The following CLDN2 variants were observed in gnomAD, a reference collection of about 807,000 sequenced individuals.
CLDN2 encodes the protein claudin 2.
Under a neutral mutation model 8.2 loss-of-function variants are expected in CLDN2, and 1 was observed. The observed-to-expected ratio is 0.12, with a 90% CI of 0.04 to 0.58. The LOEUF is 0.58. Ranked by LOEUF, CLDN2 falls within the 20% of genes least tolerant of loss-of-function variation. The pLI is 0.90. For missense variants in CLDN2, 108 were observed against 172.9 expected (o/e 0.62, Z 2.11); for synonymous variants, 70 against 70.2 (o/e 1.00, Z 0.01).
intron 1 of CLDN2, among the ~76,000 whole-genome samples, chrX:106,909,369 G>A (rs1255414450): frequency 9.0e-6 from 1 of 111,435 alleles, no homozygotes; most frequent in Non-Finnish European, 1.9e-5. Flanking sequence ...CCTGCCACTG[G>A]GGAGCAGTGG....
intron 1 of CLDN2, among the ~76,000 whole-genome samples, chrX:106,901,145 T>A (rs774616125): frequency 8.9e-6 from 1 of 112,315 alleles, no homozygotes; most frequent in Non-Finnish European, 1.9e-5. Flanking sequence ...AGCCCCAGCA[T>A]CTGTCACTTA....
chrX:106,901,431 A>C, intron 1 of CLDN2: 1 of 1,131,158 alleles, frequency 8.8e-7, no homozygotes, highest in Non-Finnish European at 1.2e-6. Flanking sequence ...TCAAAGAGCT[A>C]ATGGATCTAT....
chrX:106,924,836 C>A (rs1004337298), intron 1 of CLDN2, among the ~76,000 whole-genome samples: 5 of 103,755 alleles, frequency 4.8e-5, no homozygotes, highest in African/African-American at 1.8e-4. Flanking sequence ...TCTTTCCCAA[C>A]GTTGGGCAGC....
Position 106,929,041 on chromosome X carries a change from G to A in CLDN2, c.*120G>A. 1 of 611,365 alleles carries A rather than the reference G, an allele frequency of 1.6e-6. No homozygotes were observed. Among genetic ancestry groups the A allele is most frequent in the Non-Finnish European group, 2.5e-6 (1 of 392,224 alleles). The allele number at this position is 611,365 out of a possible 1,213,427, so 50.4% of individuals were successfully genotyped here. A position where few individuals can be genotyped will look rare whatever the true frequency, so the allele number is the denominator to read the frequency against. On this transcript the variant is annotated 3_prime_UTR_variant, in exon 2 of 2. Transcript: ENST00000336803. ...GTGTCAGAAGGTGCTGCTGAGGATA[G>A]ACTGACTTTGGCCATTGGATTGAGC...
chrX:106,901,923 T>C (rs1933105618), intron 1 of CLDN2, among the ~76,000 whole-genome samples: 1 of 111,896 alleles, frequency 8.9e-6, no homozygotes, highest in Non-Finnish European at 1.9e-5. Flanking sequence ...CCTGCCCAGA[T>C]CCCTTGCCCA....
At chrX:106,919,597 CCTCAG>C (rs1933361265), upstream of CLDN2, among the ~76,000 whole-genome samples, 1 of 111,526 alleles carries the variant, frequency 9.0e-6, no homozygotes. Context: ...GATTCTCCTG[CCTCAG>C]CTTCCCGTGT....
chrX:106,908,033 C>A (rs1933202822), intron 1 of CLDN2, among the ~76,000 whole-genome samples: 1 of 111,388 alleles, frequency 9.0e-6, no homozygotes. Flanking sequence ...CCTTGGAAAC[C>A]AGCATTATAT....
chrX:106,908,561 TC>T (rs1227537434), intron 1 of CLDN2, among the ~76,000 whole-genome samples: 14 of 105,963 alleles, frequency 1.3e-4, no homozygotes, highest in African/African-American at 4.9e-4. Flanking sequence ...TTCTTTCTTT[TC>T]TTTTCTTTTT....
rs1371738496 is a variant in CLDN2, at chrX:106,928,581, C to T, written c.353C>T (p.Ala118Val). 2 of 1,211,373 alleles carry T rather than the reference C, an allele frequency of 1.7e-6. No individual in the cohort carries two copies. Among genetic ancestry groups the T allele is most frequent in the South Asian group, 1.8e-5 (1 of 56,937 alleles). Reference sequence around the variant, plus strand: ...GAATCCCGAGCCAAAGACAGAGTGGCGGTAGCAGGTGGAGTCTTTTTCATC... The same window carrying T: ...GAATCCCGAGCCAAAGACAGAGTGGTGGTAGCAGGTGGAGTCTTTTTCATC... The part of the protein sequence containing the change: ...CQESRAKDRV[A>V]VAGGVFFILG... Residue 118 changes from alanine (A) to valine (V), a missense_variant, in exon 2 of 2, where the codon GCG (alanine) becomes GTG (valine). By Grantham distance (64) the Ala-to-Val change is moderately conservative. Coordinates refer to ENST00000336803, the MANE Select transcript of CLDN2 (RefSeq NM_020384.4).
intron 1 of CLDN2, among the ~76,000 whole-genome samples, chrX:106,927,545 C>A (rs1163325313): frequency 1.8e-5 from 2 of 111,586 alleles, no homozygotes; most frequent in African/African-American, 6.5e-5. Context: ...TTGCTGCCCA[C>A]CCCCATCTAC....
intron 1 of CLDN2, among the ~76,000 whole-genome samples, chrX:106,907,358 T>A (rs1933192135): frequency 9.0e-6 from 1 of 111,696 alleles, no homozygotes; most frequent in Non-Finnish European, 1.9e-5. Flanking sequence ...CACAGCAAAA[T>A]GAGAAAAACT....
rs200371519 is a variant in CLDN2 at position 106,929,182 on chromosome X, C to A, written c.*261C>A. The A allele has an allele frequency of 7.6e-6, 3 of 396,629 alleles. No homozygotes were observed. The East Asian group carries it at 1.2e-4, about 16-fold the overall frequency. 32.7% of individuals were successfully genotyped at this position (396,629 alleles called of 1,213,427 possible). A position where few individuals can be genotyped will look rare whatever the true frequency, so the allele number is the denominator to read the frequency against. On this transcript the variant is annotated 3_prime_UTR_variant, in exon 2 of 2. Coordinates refer to ENST00000336803, the MANE Select transcript of CLDN2 (RefSeq NM_020384.4). Reference sequence around the variant, plus strand: ...TGCTCCCCTGCCCTAAGTCCCCAACCCTCAACTTGAAACCCCATTCCCTTA... The same window carrying A: ...TGCTCCCCTGCCCTAAGTCCCCAACACTCAACTTGAAACCCCATTCCCTTA...
At chrX:106,906,010 G>C (rs761604439) in intron 1 of CLDN2, among the ~76,000 whole-genome samples, 1 of 112,147 alleles carries the variant, frequency 8.9e-6, no homozygotes, top group South Asian at 3.8e-4. Flanking sequence ...TAGCTTGTGG[G>C]ACATGAAGCC....
chrX:106,906,774 C>T (rs1933185009), intron 1 of CLDN2, among the ~76,000 whole-genome samples: 1 of 111,183 alleles, frequency 9.0e-6, no homozygotes, highest in African/African-American at 3.3e-5. Flanking sequence ...TGTTATGCTT[C>T]TTGTCTTCGG....
At chrX:106,912,124 A>G (rs1376505929) in intron 1 of CLDN2, among the ~76,000 whole-genome samples, 2 of 111,135 alleles carry the variant, frequency 1.8e-5, no homozygotes, top group Non-Finnish European at 3.8e-5. Context: ...CTCTACTGAC[A>G]GGACATTTCT....
chrX:106,926,181 A>G (rs949556535), intron 1 of CLDN2, among the ~76,000 whole-genome samples: 2 of 112,082 alleles, frequency 1.8e-5, no homozygotes, highest in Non-Finnish European at 3.8e-5. Flanking sequence ...GGTCTGGCAC[A>G]AGTGGATGGA....
chrX:106,924,762 G>A (rs913909586), intron 1 of CLDN2, among the ~76,000 whole-genome samples: 10 of 106,421 alleles, frequency 9.4e-5, no homozygotes, highest in African/African-American at 3.4e-4. Context: ...ACATAGTGAA[G>A]CTCTGCTGTC....
At chrX:106,909,192 G>A (rs1345975907) in intron 1 of CLDN2, among the ~76,000 whole-genome samples, 1 of 112,318 alleles carries the variant, frequency 8.9e-6, no homozygotes. Flanking sequence ...AGCACTCTGC[G>A]TGAATTAATT....
chrX:106,906,941 CCTCT>C (rs145172342), intron 1 of CLDN2, among the ~76,000 whole-genome samples: 21 of 111,453 alleles, frequency 1.9e-4, no homozygotes, highest in African/African-American at 2.9e-4. Flanking sequence ...TCCCTTCTTT[CCTCT>C]CTCTATTTTC....
Sources: gnomAD v4.1 joint callset for allele counts (sites outside exome capture counted in the v4.1 genomes callset) on GRCh38, gnomAD v4.1.1 for gene constraint, MANE v1.5 for transcripts, NCBI Gene and HGNC (gene_info 2026-07-23, HGNC 2026-07-21) for gene names.